Variants in HTR1F observed in about 807,000 individuals in gnomAD.
HTR1F encodes 5-hydroxytryptamine receptor 1F.
A neutral mutation model predicts 24.0 loss-of-function variants in HTR1F; 17 were observed. The observed-to-expected ratio is 0.71, with a 90% CI of 0.48 to 1.06. HTR1F has a LOEUF of 1.06. Among genes scored for constraint, HTR1F ranks in the 50% least tolerant of loss-of-function variants. The pLI is 0.00. For missense variants in HTR1F, 391 were observed against 427.8 expected (o/e 0.91, Z 0.76); for synonymous variants, 186 against 156.8 (o/e 1.19, Z -1.39).
At chr3:87,928,240 T>C (rs77850398) in intron 2 of HTR1F, among the ~76,000 whole-genome samples, 1 of 152,072 alleles carries the variant, frequency 6.6e-6, no homozygotes, top group South Asian at 2.1e-4. Context: ...GAGATGGGGT[T>C]TCACCACATT....
chr3:87,821,250 TAA>T (rs1704355004), intron 1 of HTR1F, among the ~76,000 whole-genome samples: 1 of 152,220 alleles, frequency 6.6e-6, no homozygotes, highest in Admixed American at 6.5e-5. Context: ...CAGAAACCCA[TAA>T]GTTATATTTT....
intron 2 of HTR1F, among the ~76,000 whole-genome samples, chr3:87,943,813 C>G (rs1034853993): frequency 1.3e-5 from 2 of 152,160 alleles, no homozygotes; most frequent in East Asian, 1.9e-4. Flanking sequence ...ATATCATGGC[C>G]AGGCGGTACT....
At chr3:87,843,730 A>C (rs1331480819) in intron 2 of HTR1F, among the ~76,000 whole-genome samples, 2 of 129,708 alleles carry the variant, frequency 1.5e-5, no homozygotes, top group African/African-American at 6.1e-5. Context: ...TCCTGTGTCC[A>C]TGTGATCTCA....
chr3:87,957,531 T>C (rs1022157590), intron 2 of HTR1F, among the ~76,000 whole-genome samples: 2 of 151,416 alleles, frequency 1.3e-5, no homozygotes, highest in African/African-American at 4.8e-5. Context: ...TAAATTTATA[T>C]TGCTTCTTTT....
At chr3:87,988,275 C>T (rs1352585878) in intron 2 of HTR1F, among the ~76,000 whole-genome samples, 4 of 151,416 alleles carry the variant, frequency 2.6e-5, no homozygotes, top group Non-Finnish European at 4.4e-5. Context: ...CAGGAGTTGC[C>T]TTAGTTGCCC....
At chr3:87,819,007 G>A (rs1463046111) in intron 1 of HTR1F, among the ~76,000 whole-genome samples, 1 of 152,062 alleles carries the variant, frequency 6.6e-6, no homozygotes, top group African/African-American at 2.4e-5. Flanking sequence ...CCAGGAAATA[G>A]AAAAAATACC....
At chr3:87,893,795 T>A (rs1190891927) in intron 2 of HTR1F, among the ~76,000 whole-genome samples, 2 of 152,214 alleles carry the variant, frequency 1.3e-5, no homozygotes, top group Non-Finnish European at 2.9e-5. Flanking sequence ...CAAATATCCA[T>A]CTAAAATGAT....
chr3:87,843,351 T>C (rs1378143063), intron 2 of HTR1F, among the ~76,000 whole-genome samples: 3 of 151,806 alleles, frequency 2.0e-5, no homozygotes, highest in African/African-American at 7.3e-5. Context: ...TTCTAAGATA[T>C]TAAATGTGAG....
intron 2 of HTR1F, among the ~76,000 whole-genome samples, chr3:87,896,726 C>G (rs1373665186): frequency 6.6e-6 from 1 of 152,068 alleles, no homozygotes; most frequent in African/African-American, 2.4e-5. Flanking sequence ...AACTCAATAG[C>G]AAGAAAATAT....
At chr3:87,982,721 T>C (rs1404214043) in intron 2 of HTR1F, among the ~76,000 whole-genome samples, 2 of 152,200 alleles carry the variant, frequency 1.3e-5, no homozygotes, top group East Asian at 3.9e-4. Context: ...AGGAGAGCAC[T>C]CTGATAACAT....
At chr3:87,961,201 C>A (rs907518623) in intron 2 of HTR1F, among the ~76,000 whole-genome samples, 1 of 151,952 alleles carries the variant, frequency 6.6e-6, no homozygotes, top group African/African-American at 2.4e-5. Context: ...CTACAAGCAC[C>A]AATCAACAAT....
At chr3:87,842,168 T>C (rs1041762434) in intron 2 of HTR1F, among the ~76,000 whole-genome samples, 3 of 151,732 alleles carry the variant, frequency 2.0e-5, no homozygotes, top group Admixed American at 1.3e-4. Context: ...TTTTGTTTTG[T>C]TTTGTTTTTT....
At chr3:87,845,654 C>T (rs551133821) in intron 2 of HTR1F, among the ~76,000 whole-genome samples, 8 of 151,670 alleles carry the variant, frequency 5.3e-5, no homozygotes, top group African/African-American at 1.7e-4. Context: ...AATGGCCATA[C>T]TGCCCAAGGT....
At chr3:87,818,644 CCTTG>C (rs1196784720) in intron 1 of HTR1F, among the ~76,000 whole-genome samples, 1 of 152,290 alleles carries the variant, frequency 6.6e-6, no homozygotes, top group East Asian at 1.9e-4. Context: ...GTTTCCTTAG[CCTTG>C]CTTCTCTCAA....
intron 2 of HTR1F, among the ~76,000 whole-genome samples, chr3:87,873,157 T>A: frequency 6.7e-6 from 1 of 149,772 alleles, no homozygotes; most frequent in Non-Finnish European, 1.5e-5. Context: ...AGATTTATTA[T>A]AAGAATTGGT....
rs1704662960 is a variant in HTR1F at position 87,835,381 on chromosome 3, A to G, written c.-43+13257A>G. Among the ~76,000 whole-genome samples the G allele has an allele frequency of 2.6e-5, 4 of 151,416 alleles. No individual in the cohort carries two copies. The South Asian group carries it at 8.4e-4, about 32-fold the overall frequency. On this transcript the variant is annotated intron_variant, in intron 2 of 2. Transcript: ENST00000319595. ...GACTAAGAATCTCAAGACAGCAACC[A>G]CAGAGCATTAAACCCCAATCGGGGG...
chr3:87,822,658 A>G (rs1404717149), intron 2 of HTR1F, among the ~76,000 whole-genome samples: 3 of 152,164 alleles, frequency 2.0e-5, no homozygotes, highest in African/African-American at 7.2e-5. Flanking sequence ...ATTTTTAAGA[A>G]CAGCTACTGC....
At chr3:87,912,526 T>A (rs1022513730) in intron 2 of HTR1F, among the ~76,000 whole-genome samples, 1 of 150,560 alleles carries the variant, frequency 6.6e-6, no homozygotes, top group Non-Finnish European at 1.5e-5. Flanking sequence ...ATGCTATTCC[T>A]GTCAAACCAC....
At chr3:87,977,355 A>C (rs1161292846) in intron 2 of HTR1F, among the ~76,000 whole-genome samples, 3 of 150,148 alleles carry the variant, frequency 2.0e-5, no homozygotes, top group Non-Finnish European at 3.0e-5. Context: ...ATAATGTTTG[A>C]CATTTATTTT....
Sources: gnomAD v4.1 joint callset for allele counts (sites outside exome capture counted in the v4.1 genomes callset) on GRCh38, gnomAD v4.1.1 for gene constraint, MANE v1.5 for transcripts, NCBI Gene and HGNC (gene_info 2026-07-23, HGNC 2026-07-21) for gene names.